Variants in TRMO observed in about 807,000 individuals in gnomAD.
The protein encoded by TRMO is tRNA (adenine(37)-N6)-methyltransferase.
TRMO carries 30 observed loss-of-function variants against 37.2 expected under a neutral mutation model. The ratio of observed to expected loss-of-function variants is 0.81; its 90% confidence interval spans 0.60 to 1.09. The LOEUF (loss-of-function observed/expected upper bound fraction) is 1.09. Ranked by LOEUF, TRMO falls within the 50% of genes least tolerant of loss-of-function variation. TRMO has a pLI of 0.00. For synonymous variants in TRMO, 239 were observed against 199.4 expected (o/e 1.20, Z -1.67); for missense variants, 552 against 549.5 (o/e 1.00, Z -0.05).
chr9:97,905,102 A>G lies in TRMO; in HGVS notation c.1067-110T>C, dbSNP rs1825802241. 4 of 1,178,398 alleles carry G rather than the reference A, an allele frequency of 3.4e-6. No homozygotes were observed. In the African/African-American group the frequency reaches 6.1e-5, roughly 18 times the overall value. The allele number at this position is 1,178,398 out of a possible 1,614,324, so 73.0% of individuals were successfully genotyped here. ...GTTCCTTAAAGATCACTTGACATGG[A>G]CAGGGTTTGGAAAACTATTTGATCA... On this transcript the variant is annotated intron_variant, in intron 4 of 4. Coordinates refer to ENST00000375119, the MANE Select transcript of TRMO (RefSeq NM_016481.5).
At chr9:97,920,692 T>C (rs1329433749) in intron 1 of TRMO, among the ~76,000 whole-genome samples, 2 of 152,250 alleles carry the variant, frequency 1.3e-5, no homozygotes, top group Non-Finnish European at 2.9e-5. Flanking sequence ...CAGGATTGTC[T>C]ACACGTCTTG....
chr9:97,901,465 G>T (rs1831168167), downstream of TRMO, among the ~76,000 whole-genome samples: 1 of 152,126 alleles, frequency 6.6e-6, no homozygotes, highest in South Asian at 2.1e-4. Flanking sequence ...CCCTAGAGCT[G>T]TAACACTATT....
At chr9:97,911,362 T>A (rs1404669332) in intron 3 of TRMO, 1 of 153,212 alleles carries the variant, frequency 6.5e-6, no homozygotes, top group African/African-American at 2.4e-5. Flanking sequence ...CTTTAGACAC[T>A]GAGGGCAGCC....
Position 97,916,235 on chromosome 9 carries a change from C to T in TRMO, c.180G>A (p.Leu60=). Residue 60 remains leucine, a synonymous_variant, in exon 2 of 5, where the codon TTG becomes TTA. Transcript: ENST00000375119. ...PSICSYSRAC[L]RIRKRIFNNP... is the part of the protein sequence containing the mutation. Reference sequence around the variant, plus strand: ...TATTAAAGATCCTCTTTCTAATCCTCAAACAGGCTCGAGAATAGCTACAAA... The same window carrying T: ...TATTAAAGATCCTCTTTCTAATCCTTAAACAGGCTCGAGAATAGCTACAAA... 6.2e-7 allele frequency: 1 copy of T among 1,613,572 alleles called. No individual in the cohort carries two copies. Among genetic ancestry groups the T allele is most frequent in the Non-Finnish European group, 8.5e-7 (1 of 1,179,608 alleles).
Position 97,912,835 on chromosome 9 carries a change from C to A in TRMO, c.409+566G>T, listed in dbSNP as rs1272413200. 4.3e-6 allele frequency: 4 copies of A among 928,890 alleles called. No individual in the cohort carries two copies. In the African/African-American group the frequency reaches 6.8e-5, roughly 16 times the overall value. 57.5% of individuals were successfully genotyped at this position (928,890 alleles called of 1,614,324 possible). Reference sequence around the variant, plus strand: ...CATAAATGCGTAACTAGGTTATATACGAACACACAGTTAAAACTAGTTTAA... The same window carrying A: ...CATAAATGCGTAACTAGGTTATATAAGAACACACAGTTAAAACTAGTTTAA... On this transcript the variant is annotated intron_variant, in intron 3 of 4. Coordinates refer to ENST00000375119, the MANE Select transcript of TRMO (RefSeq NM_016481.5).
At position 97,904,741 on chromosome 9, in the gene TRMO, C is replaced by A. The variant is rs376699869; in HGVS notation, c.1318G>T (p.Gly440Trp). Reference sequence around the variant, plus strand: ...GACATGAGGGAGGCTCCTTAAGACCCTAGAGACACCAAGGACCCCACAGGG... The same window carrying A: ...GACATGAGGGAGGCTCCTTAAGACCATAGAGACACCAAGGACCCCACAGGG... ...TGPVGSLVSL[G>W]S is the part of the protein sequence containing the mutation. The change falls in exon 5 of 5, where the codon GGG becomes TGG. Residue 440 changes from glycine (G) to tryptophan (W), a missense_variant. By Grantham distance (184) the Gly-to-Trp change is radical. Coordinates refer to ENST00000375119, the MANE Select transcript of TRMO (RefSeq NM_016481.5). 65 of 1,613,696 alleles carry A rather than the reference C, an allele frequency of 4.0e-5. No homozygotes were observed. The highest frequency in any genetic ancestry group is 5.3e-5 in the Non-Finnish European group (62 of 1,180,014).
At chr9:97,905,086 A>G in intron 4 of TRMO, 94 bp from the exon 5 acceptor site, 1 of 1,328,584 alleles carries the variant, frequency 7.5e-7, no homozygotes, top group Non-Finnish European at 1.1e-6. Flanking sequence ...GGTTCCTTAA[A>G]GATCACTTGA....
chr9:97,900,694 A>G (rs1831150239), downstream of TRMO: 3 of 826,766 alleles, frequency 3.6e-6, no homozygotes, highest in Non-Finnish European at 4.4e-6. Context: ...AAAAGCACAT[A>G]GTCCAGTTCC....
At chr9:97,913,622 T>G in intron 2 of TRMO, 64 bp from the exon 3 acceptor site, 1 of 1,115,352 alleles carries the variant, frequency 9.0e-7, no homozygotes, top group Non-Finnish European at 1.3e-6. Flanking sequence ...TTTACCACAA[T>G]GATCTGATGG....
the TRMO span, among the ~76,000 whole-genome samples, chr9:97,898,815 T>C: frequency 6.7e-6 from 1 of 149,950 alleles, no homozygotes; most frequent in African/African-American, 2.5e-5. Flanking sequence ...ATGATTATAA[T>C]TGCATTTTCA....
intron 4 of TRMO, among the ~76,000 whole-genome samples, chr9:97,907,721 T>A (rs1825915147): frequency 6.6e-6 from 1 of 152,026 alleles, no homozygotes; most frequent in South Asian, 2.1e-4. Context: ...AAAACTCAAG[T>A]CCTTACAATG....
At chr9:97,901,757 TA>T (rs11375112), downstream of TRMO, among the ~76,000 whole-genome samples, 2,090 of 144,472 alleles carry the variant, frequency 0.014, 40 homozygotes, top group African/African-American at 0.047. Context: ...TCTCAAAGGC[TA>T]AAAAAAAAAA....
the TRMO span, among the ~76,000 whole-genome samples, chr9:97,899,430 GTATTTATT>G: frequency 2.0e-5 from 3 of 149,398 alleles, no homozygotes; most frequent in Non-Finnish European, 3.0e-5. Flanking sequence ...TTTTATGTAC[GTATTTATT>G]TATTTATTTA....
At chr9:97,922,198 T>G (rs902298800) in intron 1 of TRMO, among the ~76,000 whole-genome samples, 5 of 152,118 alleles carry the variant, frequency 3.3e-5, no homozygotes, top group African/African-American at 1.2e-4. Flanking sequence ...ACGCAGACAG[T>G]ACAAGTCTTA....
At chr9:97,904,142 C>A (rs1020296433), downstream of TRMO, among the ~76,000 whole-genome samples, 4 of 152,094 alleles carry the variant, frequency 2.6e-5, no homozygotes, top group Non-Finnish European at 5.9e-5. Flanking sequence ...GGGTGATTTC[C>A]TTTTCTGATA....
intron 1 of TRMO, among the ~76,000 whole-genome samples, chr9:97,922,175 C>T (rs1369932414): frequency 6.6e-6 from 1 of 152,214 alleles, no homozygotes; most frequent in Non-Finnish European, 1.5e-5. Flanking sequence ...GCTCCAGCTA[C>T]TGAGCCAAGA....
the TRMO span, among the ~76,000 whole-genome samples, chr9:97,897,196 A>T: frequency 6.6e-6 from 1 of 152,268 alleles, no homozygotes; most frequent in Non-Finnish European, 1.5e-5. Flanking sequence ...TCTGACTTAG[A>T]AGCATGTGAT....
At chr9:97,900,097 T>C (rs7027221), downstream of TRMO, among the ~76,000 whole-genome samples, 109,869 of 151,690 alleles carry the variant, frequency 0.72, 41,142 homozygotes, top group East Asian at 0.92. Flanking sequence ...CATTCATACA[T>C]TGAATTTTAG....
chr9:97,910,298 G>T lies in TRMO; in HGVS notation c.728C>A (p.Ala243Glu). 1 of 1,614,214 alleles carries T rather than the reference G, an allele frequency of 6.2e-7. No homozygotes were observed. The highest frequency in any genetic ancestry group is 8.5e-7 in the Non-Finnish European group (1 of 1,180,032). Residue 243 changes from alanine to glutamate, a missense_variant, in exon 4 of 5, where the codon GCA becomes GAA. Ala to Glu is a moderately radical substitution (Grantham distance 107). Transcript: ENST00000375119. ...TGCTATCTCCCTGTGCATAGGAAATGCTTGCTGAATTCTGGCTGTGTCACT... is the reference window on the plus strand; with the variant it reads ...TGCTATCTCCCTGTGCATAGGAAATTCTTGCTGAATTCTGGCTGTGTCACT... ...THSDTARIQQ[A>E]FPMHREIAVD...
Sources: gnomAD v4.1 joint callset for allele counts (sites outside exome capture counted in the v4.1 genomes callset) on GRCh38, gnomAD v4.1.1 for gene constraint, MANE v1.5 for transcripts, NCBI Gene and HGNC (gene_info 2026-07-23, HGNC 2026-07-21) for gene names.